The following PRKN variants were observed in gnomAD, a reference collection of about 807,000 sequenced individuals.
PRKN encodes parkin RBR E3 ubiquitin protein ligase, also known as E3 ubiquitin-protein ligase parkin.
In PRKN, 56 loss-of-function variants were observed where a neutral mutation model predicts 59.5. That is an observed-to-expected ratio of 0.94 (90% CI 0.76 to 1.18). The LOEUF is 1.18. Among genes scored for constraint, PRKN ranks in the 50% most tolerant of loss-of-function variants. PRKN has a pLI of 0.00. For missense variants in PRKN, 657 were observed against 596.4 expected (o/e 1.10, Z -1.06); for synonymous variants, 250 against 222.1 (o/e 1.13, Z -1.12).
At chr6:162,185,289 C>G (rs1053550154) in intron 4 of PRKN, among the ~76,000 whole-genome samples, 3 of 152,012 alleles carry the variant, frequency 2.0e-5, no homozygotes, top group Non-Finnish European at 2.9e-5. Context: ...CTTACTTTTT[C>G]CCCCCACTAA....
At chr6:161,872,391 G>A (rs1363943457) in intron 6 of PRKN, among the ~76,000 whole-genome samples, 1 of 152,122 alleles carries the variant, frequency 6.6e-6, no homozygotes, top group East Asian at 1.9e-4. Context: ...GGATTATGTA[G>A]GACACTTGTA....
At chr6:161,623,116 T>C (rs1363592986) in intron 7 of PRKN, among the ~76,000 whole-genome samples, 1 of 152,158 alleles carries the variant, frequency 6.6e-6, no homozygotes, top group East Asian at 1.9e-4. Flanking sequence ...ATTGTAAAAA[T>C]ACAATCATGT....
intron 7 of PRKN, among the ~76,000 whole-genome samples, chr6:161,765,640 T>C (rs943045693): frequency 6.6e-6 from 1 of 151,498 alleles, no homozygotes; most frequent in Non-Finnish European, 1.5e-5. Flanking sequence ...CCTTCTAAAG[T>C]GGTATATTAG....
At position 161,356,525 on chromosome 6, in the gene PRKN, G is replaced by A. The variant is rs1784762509; in HGVS notation, c.1285+3563C>T. ...AGAGTGGAGGCGAGAGCCCTTTTGGGAAGCTGTGCTTGGAAGAGGAGGCGG... is the reference window on the plus strand; with the variant it reads ...AGAGTGGAGGCGAGAGCCCTTTTGGAAAGCTGTGCTTGGAAGAGGAGGCGG... On this transcript the variant is annotated intron_variant, in intron 11 of 11. Coordinates refer to ENST00000366898, the MANE Select transcript of PRKN (RefSeq NM_004562.3). This position sits in a 1 kb window ranked among gnomAD's most constrained non-coding sequence, Gnocchi z 7.8. Among the ~76,000 whole-genome samples the A allele has an allele frequency of 6.6e-6, 1 of 152,180 alleles. No homozygotes were observed. The highest frequency in any genetic ancestry group is 2.1e-4 in the South Asian group (1 of 4,832).
At chr6:161,412,419 CTCAT>C (rs546032495) in intron 9 of PRKN, among the ~76,000 whole-genome samples, 228 of 149,276 alleles carry the variant, frequency 1.5e-3, no homozygotes, top group African/African-American at 5.3e-3. Flanking sequence ...CCTCCACTCA[CTCAT>C]TCCTTCCTCA....
intron 1 of PRKN, among the ~76,000 whole-genome samples, chr6:162,520,668 T>C (rs1283832318): frequency 6.6e-6 from 1 of 152,190 alleles, no homozygotes; most frequent in Non-Finnish European, 1.5e-5. Context: ...TGCCTCTGTG[T>C]TCCTTAAGAT....
At chr6:161,583,764 G>A (rs1220011182) in intron 7 of PRKN, among the ~76,000 whole-genome samples, 5 of 152,118 alleles carry the variant, frequency 3.3e-5, no homozygotes, top group South Asian at 2.1e-4. Flanking sequence ...ATAGGAATGG[G>A]CATCATTTCA....
At position 162,062,564 on chromosome 6, in the gene PRKN, T is replaced by C. The variant is rs112351766; in HGVS notation, c.535-8390A>G. 9.2e-3 allele frequency among the ~76,000 whole-genome samples: 1,397 copies of C among 152,290 alleles called. 15 individuals are homozygous for C. The highest frequency in any genetic ancestry group is 0.033 in the African/African-American group (1,353 of 41,554). On this transcript the variant is annotated intron_variant, in intron 4 of 11. Coordinates refer to ENST00000366898, the MANE Select transcript of PRKN (RefSeq NM_004562.3). ...CATTAGGGTGAGTCCCAATCCAATA[T>C]GACTGATGTCCTTAAAAGCAGACGA... is the stretch of plus-strand genomic sequence containing the variant.
intron 1 of PRKN, among the ~76,000 whole-genome samples, chr6:162,502,492 C>T (rs969817314): frequency 6.6e-6 from 1 of 152,148 alleles, no homozygotes; most frequent in African/African-American, 2.4e-5. Context: ...AAGGTGTGGG[C>T]AGGCTTCACT....
rs79038206 is a variant in PRKN at position 161,457,017 on chromosome 6, C to T, written c.1084-70140G>A. Among the ~76,000 whole-genome samples, 7,290 of 152,204 alleles carry T rather than the reference C, an allele frequency of 0.048. 197 individuals carry two copies. The highest frequency in any genetic ancestry group is 0.069 in the African/African-American group (2,857 of 41,548). Reference sequence around the variant, plus strand: ...GCTGAGTTCAGGACCTGGGTTTGGGCGTGGAAGGGCGGTGTGAGAGCAAGG... The same window carrying T: ...GCTGAGTTCAGGACCTGGGTTTGGGTGTGGAAGGGCGGTGTGAGAGCAAGG... On this transcript the variant is annotated intron_variant, in intron 9 of 11. Transcript: ENST00000366898. This position sits in a 1 kb window ranked among gnomAD's most constrained non-coding sequence, Gnocchi z 5.0.
intron 1 of PRKN, among the ~76,000 whole-genome samples, chr6:162,702,528 T>A (rs562955322): frequency 6.6e-6 from 1 of 152,296 alleles, no homozygotes; most frequent in East Asian, 1.9e-4. Flanking sequence ...AACAGCAGAA[T>A]AAATTAAAGT....
chr6:162,037,440 TAC>T (rs1271106462), intron 5 of PRKN, among the ~76,000 whole-genome samples: 5 of 151,386 alleles, frequency 3.3e-5, no homozygotes, highest in Admixed American at 1.3e-4. Flanking sequence ...TTTTCATGTG[TAC>T]ACACACACAC....
chr6:161,715,069 A>G (rs554551292), intron 7 of PRKN, among the ~76,000 whole-genome samples: 1 of 152,342 alleles, frequency 6.6e-6, no homozygotes, highest in Non-Finnish European at 1.5e-5. Context: ...AGGCAGCTGC[A>G]TGCCAAAGAC....
In PRKN at chr6:161,416,343, C is replaced by T. The variant is rs75770875; in HGVS notation, c.1084-29466G>A. Among the ~76,000 whole-genome samples the T allele has an allele frequency of 7.9e-5, 12 of 152,176 alleles. No homozygotes were observed. In the East Asian group the frequency reaches 2.3e-3, roughly 29 times the overall value. On this transcript the variant is annotated intron_variant, in intron 9 of 11. Transcript: ENST00000366898. ...GGCTTGTTTTTCTCGGTCTGTTTTC[C>T]CCCGAGGAGAGCGCACACACTGGGG...
At chr6:162,467,794 G>A (rs1351935864) in intron 1 of PRKN, among the ~76,000 whole-genome samples, 3 of 150,538 alleles carry the variant, frequency 2.0e-5, no homozygotes, top group Non-Finnish European at 4.4e-5. Context: ...TTGTCCTCCA[G>A]CCTCAACCCC....
intron 2 of PRKN, among the ~76,000 whole-genome samples, chr6:162,437,785 A>G (rs1468870266): frequency 6.6e-6 from 1 of 152,182 alleles, no homozygotes; most frequent in Non-Finnish European, 1.5e-5. Context: ...CTGCTGAGTA[A>G]TATTCTAGGG....
chr6:161,956,643 C>T (rs1790007), intron 6 of PRKN, among the ~76,000 whole-genome samples: 56,213 of 151,872 alleles, frequency 0.37, 10,555 homozygotes, highest in Non-Finnish European at 0.38. Context: ...GAAATTTATT[C>T]TTTAATTTCC....
At chr6:162,359,017 G>GAA (rs1785003411) in intron 2 of PRKN, among the ~76,000 whole-genome samples, 1 of 140,504 alleles carries the variant, frequency 7.1e-6, no homozygotes, top group African/African-American at 2.7e-5. Flanking sequence ...CCGAGATTGT[G>GAA]CTACTGCACA....
chr6:162,141,455 A>G (rs1781778995), intron 4 of PRKN, among the ~76,000 whole-genome samples: 1 of 152,232 alleles, frequency 6.6e-6, no homozygotes, highest in Non-Finnish European at 1.5e-5. Context: ...AGTTTAATGT[A>G]TTCAGAGACA....
Sources: allele counts gnomAD v4.1 joint callset (sites outside exome capture counted in the v4.1 genomes callset), GRCh38; gene constraint gnomAD v4.1.1; non-coding constraint Gnocchi (gnomAD v3.1); transcripts MANE v1.5; gene names NCBI Gene and HGNC (gene_info 2026-07-23, HGNC 2026-07-21).